Variants in AP1B1 observed in about 807,000 individuals in gnomAD.
AP1B1 encodes the protein AP-1 complex subunit beta-1.
Under a neutral mutation model 104.3 loss-of-function variants are expected in AP1B1, and 36 were observed. That is an observed-to-expected ratio of 0.35 (90% confidence interval 0.26 to 0.46). The LOEUF is 0.46. AP1B1 is among the 20% of genes least tolerant of loss of function. The probability of loss-of-function intolerance (pLI) is 1.00; values close to 1 mark genes in which losing one functional copy is unlikely to be tolerated. For synonymous variants in AP1B1, 504 were observed against 517.5 expected (o/e 0.97, Z 0.35); for missense variants, 901 against 1,247.9 (o/e 0.72, Z 4.19).
Position 29,362,884 on chromosome 22 carries a change from G to A in AP1B1, c.143+117C>T, listed in dbSNP as rs2062073130. 7.3e-6 allele frequency: 5 copies of A among 680,282 alleles called. No individual in the cohort carries two copies. In the Admixed American group the frequency reaches 1.2e-4, roughly 16 times the overall value. 42.1% of individuals were successfully genotyped at this position (680,282 alleles called of 1,614,324 possible). ...GGAAGAAAGTTTTATGAAGGGAGCT[G>A]TATGAGGGGAGACATGGGTCCCTAG... On this transcript the variant is annotated intron_variant, in intron 3 of 22. Coordinates refer to ENST00000357586, the MANE Select transcript of AP1B1 (RefSeq NM_001127.4).
chr22:29,381,805 C>T (rs2062440997), intron 1 of AP1B1, among the ~76,000 whole-genome samples: 1 of 151,918 alleles, frequency 6.6e-6, no homozygotes, highest in African/African-American at 2.4e-5. Flanking sequence ...GGGGCTCTGG[C>T]ACAGGATATA....
intron 4 of AP1B1, 76 bp from the exon 5 acceptor site, chr22:29,359,047 G>T: frequency 7.0e-7 from 1 of 1,428,046 alleles, no homozygotes; most frequent in Non-Finnish European, 9.5e-7. Flanking sequence ...CTGGCCTGCA[G>T]CTCTGAGCCC....
At position 29,341,400 on chromosome 22, in the gene AP1B1, C is replaced by T. The variant is rs995695762; in HGVS notation, c.1796+101G>A. 6.8e-5 allele frequency: 99 copies of T among 1,455,730 alleles called. No individual in the cohort carries two copies. The Middle Eastern group carries it at 1.2e-3, about 18-fold the overall frequency. The allele number at this position is 1,455,730 out of a possible 1,614,324, so 90.2% of individuals were successfully genotyped here. On this transcript the variant is annotated intron_variant, in intron 13 of 22. Coordinates refer to ENST00000357586, the MANE Select transcript of AP1B1 (RefSeq NM_001127.4). ...AAAGGTTGTCAGTTTTCCTCAGACTCAGGTCTTGCTGGGGGACAACACGCC... is the reference window on the plus strand; with the variant it reads ...AAAGGTTGTCAGTTTTCCTCAGACTTAGGTCTTGCTGGGGGACAACACGCC...
chr22:29,338,409 G>A (rs1270889253), intron 16 of AP1B1, among the ~76,000 whole-genome samples: 1 of 152,250 alleles, frequency 6.6e-6, no homozygotes, highest in African/African-American at 2.4e-5. Flanking sequence ...TTGCCCTGCA[G>A]CAAACACCTG....
intron 12 of AP1B1, 90 bp from the exon 13 acceptor site, chr22:29,341,850 C>T: frequency 2.1e-6 from 3 of 1,446,094 alleles, no homozygotes; most frequent in Non-Finnish European, 2.8e-6. Context: ...AGGTGCGGCA[C>T]AGGGGTGGCC....
chr22:29,349,398 C>A lies in AP1B1; in HGVS notation c.1272-15G>T, dbSNP rs377257408. Reference sequence around the variant, plus strand: ...CACTCTCATACCTGGGAGACCAGGGCACAGTTGGTATGGGAGCCCTCAAGG... The same window carrying A: ...CACTCTCATACCTGGGAGACCAGGGAACAGTTGGTATGGGAGCCCTCAAGG... On this transcript the variant is annotated splice_polypyrimidine_tract_variant and intron_variant, in intron 10 of 22. Transcript: ENST00000357586. 4.6e-5 allele frequency: 74 copies of A among 1,612,610 alleles called. 1 individual carries two copies. The African/African-American group carries it at 9.9e-4, about 22-fold the overall frequency.
At chr22:29,329,897 A>G (rs951540250) in intron 21 of AP1B1, 177 bp from the exon 22 acceptor site, 2 of 1,453,842 alleles carry the variant, frequency 1.4e-6, no homozygotes, top group South Asian at 1.4e-5. Context: ...GTGGGGGAGA[A>G]GCAGAGTTTG....
In AP1B1 at chr22:29,358,721, C is replaced by G. The variant is rs1322015325; in HGVS notation, c.525+5G>C. ...GAGGTAGCACGGTGGGTGGCAGTGG[C>G]TTACCATGGGGTTAGAGTCGGAGAT... On this transcript the variant is annotated splice_donor_5th_base_variant and intron_variant, in intron 5 of 22. Transcript: ENST00000357586. 4.4e-6 allele frequency: 7 copies of G among 1,606,998 alleles called. No homozygotes were observed. Among genetic ancestry groups the G allele is most frequent in the African/African-American group, 1.3e-5 (1 of 74,824 alleles).
intron 22 of AP1B1, 151 bp downstream of exon 22, chr22:29,329,561 A>G: frequency 6.7e-7 from 1 of 1,502,948 alleles, no homozygotes; most frequent in Non-Finnish European, 8.9e-7. Flanking sequence ...GTGGGGTGTC[A>G]GCACCTCAAT....
At chr22:29,354,108 G>A (rs12484765) in intron 7 of AP1B1, among the ~76,000 whole-genome samples, 9 of 152,210 alleles carry the variant, frequency 5.9e-5, no homozygotes, top group Admixed American at 5.9e-4. Flanking sequence ...AGCATTTGGA[G>A]TGAGTCCGAT....
At chr22:29,330,038 C>G (rs1344541725) in intron 21 of AP1B1, 7 of 1,408,570 alleles carry the variant, frequency 5.0e-6, no homozygotes, top group Non-Finnish European at 5.5e-6. Flanking sequence ...GTCCTCCCAG[C>G]TGGACATGCA....
intron 3 of AP1B1, among the ~76,000 whole-genome samples, chr22:29,361,679 A>G (rs1482150754): frequency 6.6e-6 from 1 of 152,208 alleles, no homozygotes; most frequent in African/African-American, 2.4e-5. Flanking sequence ...ACAAGTACAC[A>G]TAACAAGAGA....
intron 1 of AP1B1, among the ~76,000 whole-genome samples, chr22:29,372,293 G>A (rs191712549): frequency 5.8e-4 from 88 of 151,782 alleles, no homozygotes; most frequent in African/African-American, 1.9e-3. Context: ...GCATGCTGGC[G>A]GGTGCCTGTA....
In AP1B1 at chr22:29,337,078, G is replaced by A. The variant is rs150058924; in HGVS notation, c.2163+1912C>T. Among the ~76,000 whole-genome samples the A allele has an allele frequency of 7.6e-3, 1,160 of 152,294 alleles. 19 individuals are homozygous for A. Among genetic ancestry groups the A allele is most frequent in the African/African-American group, 0.027 (1,103 of 41,566 alleles). ...GCTGTACGTTATGCCGCGATTCTAC[G>A]TTCCCGTGGCCCTGCTGGCCCTGAC... On this transcript the variant is annotated intron_variant, in intron 16 of 22. Coordinates refer to ENST00000357586, the MANE Select transcript of AP1B1 (RefSeq NM_001127.4).
intron 1 of AP1B1, among the ~76,000 whole-genome samples, chr22:29,384,005 G>A (rs1255738476): frequency 6.6e-6 from 1 of 152,160 alleles, no homozygotes; most frequent in Non-Finnish European, 1.5e-5. Context: ...TATAAGAGGG[G>A]ACAATCTAAA....
chr22:29,356,339 C>T lies in AP1B1; in HGVS notation c.716+87G>A, dbSNP rs959621943. 16 of 1,386,002 alleles carry T rather than the reference C, an allele frequency of 1.2e-5. No individual in the cohort carries two copies. In the African/African-American group the frequency reaches 2.2e-4, roughly 19 times the overall value. 85.9% of individuals were successfully genotyped at this position (1,386,002 alleles called of 1,614,324 possible). On this transcript the variant is annotated intron_variant, in intron 6 of 22. Transcript: ENST00000357586. ...GGGCAAAGCACTAGAAAGGGGCCCA[C>T]TAAGGCCCAAGGCCCAGTGCCTGGT...
rs779763804 is a variant in AP1B1, at chr22:29,354,833, T to C, written c.755A>G (p.Asn252Ser). 6.8e-6 allele frequency: 11 copies of C among 1,613,586 alleles called. No individual in the cohort carries two copies. The highest frequency in any genetic ancestry group is 9.3e-6 in the Non-Finnish European group (11 of 1,179,966). ...ERVTPRLSHA[N>S]SAVVLSAVKV... ...CACAGCAGAGAGCACCACAGCGGAG[T>C]TGGCATGGGAGAGCCTGGGGGTGAC... The change falls in exon 7 of 23, where the codon AAC becomes AGC. Residue 252 changes from asparagine (N) to serine (S), a missense_variant. Asn to Ser is a conservative substitution (Grantham distance 46, BLOSUM62 1). Coordinates refer to ENST00000357586, the MANE Select transcript of AP1B1 (RefSeq NM_001127.4).
intron 7 of AP1B1, among the ~76,000 whole-genome samples, chr22:29,352,809 T>G (rs934543138): frequency 7.2e-5 from 11 of 152,188 alleles, no homozygotes; most frequent in Admixed American, 2.0e-4. Context: ...CTGTGAGTAC[T>G]GCTAGTGAAA....
chr22:29,386,018 G>C (rs564606732), intron 1 of AP1B1, among the ~76,000 whole-genome samples: 1 of 152,288 alleles, frequency 6.6e-6, no homozygotes, highest in South Asian at 2.1e-4. Context: ...GTACATTAAG[G>C]TCTCTGTTTG....
Sources: gnomAD v4.1 joint callset for allele counts (sites outside exome capture counted in the v4.1 genomes callset) on GRCh38, gnomAD v4.1.1 for gene constraint, MANE v1.5 for transcripts, NCBI Gene and HGNC (gene_info 2026-07-23, HGNC 2026-07-21) for gene names.